The following RIN2 variants were observed in gnomAD, a reference collection of about 807,000 sequenced individuals.
The protein encoded by RIN2 is RAB5 interacting protein 2.
RIN2 carries 36 observed loss-of-function variants against 78.0 expected under a neutral mutation model. That is an observed-to-expected ratio of 0.46 (90% confidence interval 0.35 to 0.61). The LOEUF is 0.61. Among genes scored for constraint, RIN2 ranks in the 20% least tolerant of loss-of-function variants. The pLI is 0.00. For missense variants in RIN2, 1,087 were observed against 1,159.7 expected, an observed-to-expected ratio of 0.94 and a Z score of 0.91; for synonymous variants, 466 against 466.8, an observed-to-expected ratio of 1.00 and a Z score of 0.02.
intron 3 of RIN2, chr20:19,896,012 A>C (rs1363643127): frequency 6.6e-6 from 1 of 152,214 alleles, no homozygotes; most frequent in African/African-American, 2.4e-5. Flanking sequence ...CTCAGGCCTC[A>C]GGGATTCCCA....
intron 4 of RIN2, among the ~76,000 whole-genome samples, chr20:19,948,334 C>G (rs1408516687): frequency 6.6e-6 from 1 of 152,172 alleles, no homozygotes; most frequent in Non-Finnish European, 1.5e-5. Flanking sequence ...TTAACTAAAC[C>G]AATCCCATCC....
intron 3 of RIN2, among the ~76,000 whole-genome samples, chr20:19,903,256 G>A (rs1043972122): frequency 5.3e-5 from 8 of 152,148 alleles, no homozygotes; most frequent in African/African-American, 1.9e-4. Context: ...AGGAAATAAA[G>A]GGAGCTTGAG....
At chr20:19,819,132 A>G (rs535026064) in intron 2 of RIN2, among the ~76,000 whole-genome samples, 1 of 152,376 alleles carries the variant, frequency 6.6e-6, no homozygotes, top group East Asian at 1.9e-4. Flanking sequence ...GTCTTAGCTC[A>G]GGCTGCCGTA....
At chr20:19,766,134 A>T (rs2033875653) in intron 1 of RIN2, among the ~76,000 whole-genome samples, 1 of 152,068 alleles carries the variant, frequency 6.6e-6, no homozygotes, top group East Asian at 1.9e-4. Context: ...TCTGTCATGG[A>T]TGGGGCACCC....
chr20:19,794,532 CAAAAAAAA>C (rs10530809), intron 1 of RIN2, among the ~76,000 whole-genome samples: 3 of 88,596 alleles, frequency 3.4e-5, no homozygotes, highest in Admixed American at 1.3e-4. Context: ...ACCCTGTATC[CAAAAAAAA>C]AAAAAAAAAA....
intron 1 of RIN2, among the ~76,000 whole-genome samples, chr20:19,768,241 G>A (rs1025096764): frequency 5.3e-5 from 8 of 152,216 alleles, no homozygotes; most frequent in African/African-American, 2.4e-5. Flanking sequence ...AGCAGACCCC[G>A]AGGTGAGGAT....
chr20:19,996,532 G>C (rs2042972905), intron 11 of RIN2, 147 bp from the exon 12 acceptor site: 1 of 747,800 alleles, frequency 1.3e-6, no homozygotes, highest in Non-Finnish European at 2.2e-6. Flanking sequence ...CCATGCTCTT[G>C]GGTGTGTGCT....
At chr20:19,818,427 C>T (rs1192375642) in intron 2 of RIN2, among the ~76,000 whole-genome samples, 2 of 152,190 alleles carry the variant, frequency 1.3e-5, no homozygotes, top group Non-Finnish European at 2.9e-5. Context: ...CTGCACATGC[C>T]TTGCCCTAGT....
chr20:19,976,338 C>G (rs2042278723), intron 9 of RIN2, among the ~76,000 whole-genome samples: 1 of 152,190 alleles, frequency 6.6e-6, no homozygotes, highest in Admixed American at 6.5e-5. Flanking sequence ...GACCCCGGGC[C>G]CCCTGTTCTC....
At chr20:19,926,900 T>G (rs1432319047) in intron 3 of RIN2, among the ~76,000 whole-genome samples, 3 of 152,320 alleles carry the variant, frequency 2.0e-5, no homozygotes, top group East Asian at 1.9e-4. Flanking sequence ...TCAAGAGAAT[T>G]TTTCTCCTTT....
chr20:19,934,823 C>T (rs763807767), intron 3 of RIN2, among the ~76,000 whole-genome samples: 2 of 151,954 alleles, frequency 1.3e-5, no homozygotes, highest in South Asian at 4.1e-4. Flanking sequence ...TTCCTTATTA[C>T]AATACTGAAA....
At chr20:19,959,620 G>C (rs968869130) in intron 5 of RIN2, among the ~76,000 whole-genome samples, 10 of 152,182 alleles carry the variant, frequency 6.6e-5, no homozygotes, top group African/African-American at 2.4e-4. Context: ...GAGATAAAGA[G>C]AGGAGCAAAG....
chr20:19,891,863 G>A (rs2038483853), intron 3 of RIN2, among the ~76,000 whole-genome samples: 1 of 152,168 alleles, frequency 6.6e-6, no homozygotes, highest in Non-Finnish European at 1.5e-5. Flanking sequence ...GGAGTATAAA[G>A]TTGCCTTTGA....
chr20:19,943,162 A>C (rs1482517355), intron 4 of RIN2, among the ~76,000 whole-genome samples: 2 of 152,236 alleles, frequency 1.3e-5, no homozygotes, highest in Non-Finnish European at 2.9e-5. Context: ...CAACCAGGAC[A>C]ACAGGTTCTT....
intron 3 of RIN2, among the ~76,000 whole-genome samples, chr20:19,890,909 A>G (rs2038429805): frequency 6.6e-6 from 1 of 152,176 alleles, no homozygotes; most frequent in South Asian, 2.1e-4. Context: ...CTATGCCACA[A>G]TAGCTTGGGA....
At chr20:19,996,965 A>C in intron 12 of RIN2, 123 bp downstream of exon 12, 34 of 971,060 alleles carry the variant, frequency 3.5e-5, no homozygotes, top group Non-Finnish European at 4.7e-5. Flanking sequence ...GGGATATCTC[A>C]AACCACCCTC....
chr20:19,776,568 C>T (rs1372138255), intron 1 of RIN2, among the ~76,000 whole-genome samples: 2 of 151,964 alleles, frequency 1.3e-5, no homozygotes, highest in African/African-American at 4.8e-5. Flanking sequence ...CCCATCTCTA[C>T]TAAAAATGCA....
intron 3 of RIN2, among the ~76,000 whole-genome samples, chr20:19,924,308 C>T (rs1357549024): frequency 4.4e-5 from 2 of 45,230 alleles, no homozygotes; most frequent in Non-Finnish European, 7.7e-5. Context: ...CATACTCCAC[C>T]TTCATACCCC....
chr20:19,938,421 C>T (rs1433368132), intron 4 of RIN2, among the ~76,000 whole-genome samples: 1 of 151,760 alleles, frequency 6.6e-6, no homozygotes, highest in African/African-American at 2.4e-5. Context: ...ATTGGGGTCT[C>T]TCTGTGTTGC....
Sources: allele counts gnomAD v4.1 joint callset (sites outside exome capture counted in the v4.1 genomes callset), GRCh38; gene constraint gnomAD v4.1.1; transcripts MANE v1.5; gene names NCBI Gene and HGNC (gene_info 2026-07-23, HGNC 2026-07-21).